FBXW11: variants seen among roughly 807,000 people sequenced by gnomAD.
FBXW11 encodes the protein F-box and WD repeat domain containing 11, also known as F-box/WD repeat-containing protein 11.
Under a neutral mutation model 77.6 loss-of-function variants are expected in FBXW11, and 19 were observed. That is an observed-to-expected ratio of 0.24 (90% CI 0.17 to 0.36). The LOEUF (loss-of-function observed/expected upper bound fraction) is 0.36, where lower values mean the gene tolerates loss of function less well. Ranked by LOEUF, FBXW11 falls within the 10% of genes least tolerant of loss-of-function variation. FBXW11 has a pLI of 1.00. For missense variants in FBXW11, 334 were observed against 704.2 expected (o/e 0.47, Z 5.95); for synonymous variants, 235 against 249.4 (o/e 0.94, Z 0.54).
In FBXW11 at chr5:171,957,661, T is replaced by G. The variant is rs757773466; in HGVS notation, c.83A>C (p.Asn28Thr). Residue 28 changes from asparagine (N) to threonine (T), a missense_variant, in exon 2 of 14, where the codon AAC (asparagine) becomes ACC (threonine). Asn to Thr is a moderately conservative substitution (Grantham distance 65). This residue lies in a region of FBXW11 where 80 missense variants were observed against 105.1 expected (regional missense o/e 0.76). Transcript: ENST00000517395. ...CAGTGCGCACATGCTCTCTACCAGG[T>G]TGGCGCAGCCTAGCCACAAAGACCT... The part of the protein sequence containing the change: ...VPRSLWLGCA[N>T]LVESMCALSC... 1 of 1,614,170 alleles carries G rather than the reference T, an allele frequency of 6.2e-7. No individual in the cohort carries two copies. Among genetic ancestry groups the G allele is most frequent in the Non-Finnish European group, 8.5e-7 (1 of 1,180,004 alleles).
chr5:171,937,771 TG>T (rs774756564), intron 2 of FBXW11, among the ~76,000 whole-genome samples: 13 of 146,826 alleles, frequency 8.9e-5, no homozygotes, highest in Non-Finnish European at 1.6e-4. Context: ...GAAGCTGCAG[TG>T]AACCATGATT....
intron 5 of FBXW11, among the ~76,000 whole-genome samples, chr5:171,899,660 G>GA (rs959977929): frequency 1.3e-5 from 2 of 149,142 alleles, no homozygotes; most frequent in Admixed American, 6.8e-5. Flanking sequence ...AAATGTGAAG[G>GA]AAAAAACATA....
chr5:171,923,115 T>C (rs1761691746), intron 2 of FBXW11, among the ~76,000 whole-genome samples: 1 of 152,162 alleles, frequency 6.6e-6, no homozygotes, highest in Non-Finnish European at 1.5e-5. Context: ...GGTTTCGTCA[T>C]GTTGGCCAGG....
intron 1 of FBXW11, chr5:172,003,318 T>C (rs1766528732): frequency 1.3e-5 from 2 of 152,170 alleles, no homozygotes; most frequent in African/African-American, 4.8e-5. Flanking sequence ...TGCCTGAAAA[T>C]CAAGTCATAT....
intron 2 of FBXW11, among the ~76,000 whole-genome samples, chr5:171,932,247 C>T (rs1459766469): frequency 1.3e-5 from 2 of 152,090 alleles, no homozygotes; most frequent in Non-Finnish European, 1.5e-5. Context: ...AAAACCTTAA[C>T]AGTCACTTCA....
At position 171,943,649 on chromosome 5, in the gene FBXW11, C is replaced by A. The variant is rs367657204; in HGVS notation, c.147+13948G>T. ...AATTTTTAGTAAAGACAGGGTTTCA[C>A]CAAGTCGGACAGGATGGTCTCAATC... is the stretch of plus-strand genomic sequence containing the variant. On this transcript the variant is annotated intron_variant, in intron 2 of 13. Transcript: ENST00000517395. Among the ~76,000 whole-genome samples the A allele has an allele frequency of 2.1e-4, 32 of 152,250 alleles. No homozygotes were observed. The South Asian group carries it at 6.4e-3, about 31-fold the overall frequency.
chr5:171,924,122 C>T (rs1761758836), intron 2 of FBXW11, among the ~76,000 whole-genome samples: 1 of 151,742 alleles, frequency 6.6e-6, no homozygotes, highest in Non-Finnish European at 1.5e-5. Context: ...TGGAGTTTCA[C>T]CATGTTGGCC....
Position 172,004,757 on chromosome 5 carries a change from C to T in FBXW11, c.45+1701G>A, listed in dbSNP as rs75334164. Among the ~76,000 whole-genome samples, 31 of 151,924 alleles carry T rather than the reference C, an allele frequency of 2.0e-4. 1 individual carries two copies. The East Asian group carries it at 6.0e-3, about 29-fold the overall frequency. Reference sequence around the variant, plus strand: ...CGATTTAAGATAGTTACCAAAATAACCCACTACAAAAGTTACAGAATACCA... The same window carrying T: ...CGATTTAAGATAGTTACCAAAATAATCCACTACAAAAGTTACAGAATACCA... On this transcript the variant is annotated intron_variant, in intron 1 of 13. Transcript: ENST00000517395.
At chr5:171,871,713 T>C (rs1757763893) in intron 10 of FBXW11, among the ~76,000 whole-genome samples, 1 of 152,220 alleles carries the variant, frequency 6.6e-6, no homozygotes, top group East Asian at 1.9e-4. Context: ...TCTATAACTT[T>C]TTCTTAGCCT....
chr5:171,988,893 T>G (rs1765587747), intron 1 of FBXW11, among the ~76,000 whole-genome samples: 1 of 145,712 alleles, frequency 6.9e-6, no homozygotes, highest in Non-Finnish European at 1.5e-5. Context: ...TACTACAATT[T>G]TGGCCCAGCA....
chr5:171,883,985 T>C (rs771387415), intron 7 of FBXW11, among the ~76,000 whole-genome samples: 10 of 152,234 alleles, frequency 6.6e-5, no homozygotes, highest in Non-Finnish European at 1.0e-4. Context: ...TCTCCCACTC[T>C]GTGGGCTGTT....
chr5:171,940,718 T>C (rs141159254), intron 2 of FBXW11, among the ~76,000 whole-genome samples: 1 of 152,048 alleles, frequency 6.6e-6, no homozygotes, highest in Non-Finnish European at 1.5e-5. Flanking sequence ...TGAAACCCCG[T>C]CTGTACTAAA....
chr5:171,877,123 G>A (rs1032251219), intron 8 of FBXW11, among the ~76,000 whole-genome samples: 14 of 152,178 alleles, frequency 9.2e-5, no homozygotes, highest in Non-Finnish European at 1.9e-4. Flanking sequence ...TGCTGAGATG[G>A]TTTCAGAAAA....
At chr5:171,892,477 A>G (rs528223531) in intron 6 of FBXW11, among the ~76,000 whole-genome samples, 2 of 152,232 alleles carry the variant, frequency 1.3e-5, no homozygotes, top group Admixed American at 6.5e-5. Flanking sequence ...TGCTACTAAC[A>G]TATTCAATGC....
chr5:171,904,338 G>A lies in FBXW11; in HGVS notation c.437-4238C>T, dbSNP rs998854198. Among the ~76,000 whole-genome samples, 9 of 151,788 alleles carry A rather than the reference G, an allele frequency of 5.9e-5. No individual in the cohort carries two copies. The highest frequency in any genetic ancestry group is 2.1e-4 in the South Asian group (1 of 4,808). The stretch of plus-strand genomic sequence containing the variant: ...AATAAAAAGAATGCATTAGATACTC[G>A]CCTTTTCAAACCTCAAAGGCTGCAA... On this transcript the variant is annotated intron_variant, in intron 4 of 13. Transcript: ENST00000517395. The surrounding 1 kb of genome is among the most constrained non-coding windows in gnomAD (Gnocchi z 4.0).
intron 6 of FBXW11, among the ~76,000 whole-genome samples, chr5:171,898,069 T>C (rs1268080471): frequency 1.3e-5 from 2 of 152,210 alleles, no homozygotes; most frequent in Non-Finnish European, 2.9e-5. Flanking sequence ...GTTTGGGCTT[T>C]AAATAATGAT....
intron 7 of FBXW11, among the ~76,000 whole-genome samples, chr5:171,880,281 T>C (rs752138001): frequency 6.6e-6 from 1 of 152,238 alleles, no homozygotes; most frequent in Non-Finnish European, 1.5e-5. Flanking sequence ...CTGGGCTCTC[T>C]ATTCTGTTCC....
chr5:171,992,010 G>T (rs895989027), intron 1 of FBXW11, among the ~76,000 whole-genome samples: 1 of 151,922 alleles, frequency 6.6e-6, no homozygotes, highest in African/African-American at 2.4e-5. Flanking sequence ...AGCTACTCGG[G>T]AGGCTGAGGT....
intron 7 of FBXW11, among the ~76,000 whole-genome samples, chr5:171,889,327 A>C (rs923297503): frequency 6.6e-6 from 1 of 152,160 alleles, no homozygotes; most frequent in African/African-American, 2.4e-5. Context: ...CAGGAGTTCA[A>C]GACCAGCCGG....
Sources: allele counts gnomAD v4.1 joint callset (sites outside exome capture counted in the v4.1 genomes callset), GRCh38; gene constraint gnomAD v4.1.1; regional missense constraint gnomAD v4.1.1; non-coding constraint Gnocchi (gnomAD v3.1); transcripts MANE v1.5; gene names NCBI Gene and HGNC (gene_info 2026-07-23, HGNC 2026-07-21).